Variants in TRAF3 observed in about 807,000 individuals in gnomAD.
The protein encoded by TRAF3 is TNF receptor associated factor 3, also known as TNF receptor-associated factor 3.
Under a neutral mutation model 62.3 loss-of-function variants are expected in TRAF3, and 13 were observed. The observed-to-expected ratio is 0.21, with a 90% CI of 0.14 to 0.33. The LOEUF (loss-of-function observed/expected upper bound fraction) is 0.33, where lower values mean the gene tolerates loss of function less well. TRAF3 is among the 10% of genes least tolerant of loss of function. The pLI is 1.00. For missense variants in TRAF3, 440 were observed against 741.8 expected (o/e 0.59, Z 4.73); for synonymous variants, 269 against 283.4 (o/e 0.95, Z 0.51).
At chr14:102,837,002 T>C (rs1886049724) in intron 2 of TRAF3, among the ~76,000 whole-genome samples, 1 of 152,158 alleles carries the variant, frequency 6.6e-6, no homozygotes, top group Non-Finnish European at 1.5e-5. Context: ...CCTTCCATTC[T>C]CCCCTTGCTC....
At chr14:102,841,831 A>G (rs1271356528) in intron 2 of TRAF3, among the ~76,000 whole-genome samples, 1 of 152,232 alleles carries the variant, frequency 6.6e-6, no homozygotes, top group Non-Finnish European at 1.5e-5. Flanking sequence ...CATTAAAATA[A>G]CTTATAAATA....
chr14:102,861,384 C>T (rs965239718), intron 2 of TRAF3, among the ~76,000 whole-genome samples: 9 of 152,202 alleles, frequency 5.9e-5, no homozygotes, highest in African/African-American at 2.2e-4. Flanking sequence ...AGGAAGGACT[C>T]TAACCTTCCT....
At chr14:102,796,002 A>G (rs1898063954) in intron 1 of TRAF3, among the ~76,000 whole-genome samples, 1 of 152,138 alleles carries the variant, frequency 6.6e-6, no homozygotes, top group Non-Finnish European at 1.5e-5. Flanking sequence ...GGATCACCTG[A>G]GGTCAGGAGT....
chr14:102,894,223 A>G (rs539467041), intron 9 of TRAF3, among the ~76,000 whole-genome samples: 9 of 152,244 alleles, frequency 5.9e-5, no homozygotes, highest in African/African-American at 1.9e-4. Flanking sequence ...GCTACTCGGG[A>G]GGCTGAGGCA....
rs747696299 is a variant in TRAF3, at chr14:102,903,383, G to T, written c.1089G>T (p.Glu363Asp). 2 of 1,614,166 alleles carry T rather than the reference G, an allele frequency of 1.2e-6. No individual in the cohort carries two copies. The highest frequency in any genetic ancestry group is 1.7e-6 in the Non-Finnish European group (2 of 1,180,040). Residue 363 changes from glutamate (E) to aspartate (D), a missense_variant, in exon 11 of 12, where the codon GAG becomes GAT. Transcript: ENST00000392745. The surrounding 1 kb of genome is among the most constrained non-coding windows in gnomAD (Gnocchi z 6.4). ...SVESLQNRVTELESVDKSAGQ... is the reference protein window; with the variant it reads ...SVESLQNRVTDLESVDKSAGQ... Reference sequence around the variant, plus strand: ...AGTCCCTCCAGAACCGCGTGACCGAGCTGGAGAGCGTGGACAAGAGCGCGG... The same window carrying T: ...AGTCCCTCCAGAACCGCGTGACCGATCTGGAGAGCGTGGACAAGAGCGCGG...
At chr14:102,812,844 A>G (rs1440339307) in intron 1 of TRAF3, among the ~76,000 whole-genome samples, 5 of 151,924 alleles carry the variant, frequency 3.3e-5, no homozygotes, top group South Asian at 2.1e-4. Flanking sequence ...GCGTGAACCC[A>G]GGAGGCGGAG....
intron 2 of TRAF3, among the ~76,000 whole-genome samples, chr14:102,852,763 T>C (rs1887121142): frequency 6.6e-6 from 1 of 151,870 alleles, no homozygotes; most frequent in South Asian, 2.1e-4. Flanking sequence ...TGCAGTGGCG[T>C]GATCGTAGTT....
At chr14:102,888,472 T>C (rs1889529579) in intron 7 of TRAF3, among the ~76,000 whole-genome samples, 1 of 152,284 alleles carries the variant, frequency 6.6e-6, no homozygotes, top group Non-Finnish European at 1.5e-5. Flanking sequence ...CCCTCTGTTG[T>C]AAATATCCAC....
At chr14:102,820,591 TATATATATATATATA>T (rs1899854346) in intron 1 of TRAF3, among the ~76,000 whole-genome samples, 1 of 7,006 alleles carries the variant, frequency 1.4e-4, no homozygotes, top group African/African-American at 7.5e-4. Flanking sequence ...TATATATATA[TATATATATATATATA>T]TATATATATT....
At chr14:102,820,585 TATATATATATATATATATATATATA>T (rs1899846462) in intron 1 of TRAF3, among the ~76,000 whole-genome samples, 3 of 6,250 alleles carry the variant, frequency 4.8e-4, no homozygotes, top group African/African-American at 6.8e-4. Flanking sequence ...TATATATATA[TATATATATATATATATATATATATA>T]TATATTTTTT....
intron 2 of TRAF3, among the ~76,000 whole-genome samples, chr14:102,837,320 A>G (rs1886086500): frequency 6.6e-6 from 1 of 151,944 alleles, no homozygotes; most frequent in Admixed American, 6.6e-5. Context: ...CACATTTTTT[A>G]TAGACATGGG....
intron 1 of TRAF3, among the ~76,000 whole-genome samples, chr14:102,798,539 C>G (rs938993401): frequency 6.6e-6 from 1 of 151,980 alleles, no homozygotes; most frequent in African/African-American, 2.4e-5. Flanking sequence ...CCTCAGGAGG[C>G]TGAGGTAGGA....
chr14:102,798,437 T>G (rs950929151), intron 1 of TRAF3, among the ~76,000 whole-genome samples: 1 of 152,184 alleles, frequency 6.6e-6, no homozygotes, highest in East Asian at 1.9e-4. Flanking sequence ...TTCAGGAGTT[T>G]GAGACCAGCC....
At chr14:102,811,913 C>CGTTTT (rs1381571409) in intron 1 of TRAF3, among the ~76,000 whole-genome samples, 2 of 47,076 alleles carry the variant, frequency 4.2e-5, no homozygotes, top group Non-Finnish European at 7.3e-5. Flanking sequence ...ATGCCTGGCC[C>CGTTTT]TTTTTTTTTT....
In TRAF3 at chr14:102,793,652, T is replaced by G. The variant is rs181927386; in HGVS notation, c.-157+15977T>G. On this transcript the variant is annotated intron_variant, in intron 1 of 11. Transcript: ENST00000392745. ...GTAGTGCCAGCTGTAAGCATAGGAG[T>G]TGCACTTAATGGCTTACAGCTGGGG... 5.4e-3 allele frequency among the ~76,000 whole-genome samples: 817 copies of G among 152,128 alleles called. 6 individuals carry two copies. Among genetic ancestry groups the G allele is most frequent in the Admixed American group, 9.9e-3 (151 of 15,276 alleles).
At chr14:102,883,555 G>C (rs1889188373) in intron 6 of TRAF3, among the ~76,000 whole-genome samples, 1 of 151,980 alleles carries the variant, frequency 6.6e-6, no homozygotes, top group Non-Finnish European at 1.5e-5. Context: ...TGGCTTCATG[G>C]GTGTTCACTA....
chr14:102,898,931 G>A (rs1057043962), intron 10 of TRAF3, among the ~76,000 whole-genome samples: 11 of 152,212 alleles, frequency 7.2e-5, no homozygotes, highest in South Asian at 6.2e-4. Flanking sequence ...TGACGGCAGC[G>A]GTCAGTGTCC....
At chr14:102,832,627 T>C (rs1163803153) in intron 2 of TRAF3, among the ~76,000 whole-genome samples, 1 of 152,170 alleles carries the variant, frequency 6.6e-6, no homozygotes, top group Non-Finnish European at 1.5e-5. Flanking sequence ...GCCAAGATTA[T>C]GTCATTGCAT....
At chr14:102,865,470 A>T (rs1317516538) in intron 2 of TRAF3, among the ~76,000 whole-genome samples, 1 of 147,926 alleles carries the variant, frequency 6.8e-6, no homozygotes, top group South Asian at 2.2e-4. Context: ...TCCCTTTTTC[A>T]TCAGCATCAC....
Sources: allele counts gnomAD v4.1 joint callset (sites outside exome capture counted in the v4.1 genomes callset), GRCh38; gene constraint gnomAD v4.1.1; non-coding constraint Gnocchi (gnomAD v3.1); transcripts MANE v1.5; gene names NCBI Gene and HGNC (gene_info 2026-07-23, HGNC 2026-07-21).